The following NIPSNAP3B variants were observed in gnomAD, a reference collection of about 807,000 sequenced individuals.
The protein encoded by NIPSNAP3B is nipsnap homolog 3B.
In NIPSNAP3B, 30 loss-of-function variants were observed where a neutral mutation model predicts 31.5. The ratio of observed to expected loss-of-function variants is 0.95; its 90% CI spans 0.71 to 1.29. The LOEUF is 1.29. NIPSNAP3B is among the 50% of genes most tolerant of loss of function. The pLI is 0.00. For synonymous variants in NIPSNAP3B, 106 were observed against 107.9 expected (o/e 0.98, Z 0.11); for missense variants, 269 against 300.7 (o/e 0.89, Z 0.78).
the NIPSNAP3B span, among the ~76,000 whole-genome samples, chr9:104,787,485 TATCTACAGAA>T: frequency 6.6e-6 from 1 of 152,182 alleles, no homozygotes; most frequent in South Asian, 2.1e-4. Flanking sequence ...TCAATGCTCT[TATCTACAGAA>T]GAAAAAAGGT....
Position 104,764,313 on chromosome 9 carries a change from G to A in NIPSNAP3B, c.60+13G>A. 3 of 1,573,370 alleles carry A rather than the reference G, an allele frequency of 1.9e-6. No individual in the cohort carries two copies. Among genetic ancestry groups the A allele is most frequent in the Non-Finnish European group, 1.7e-6 (2 of 1,161,854 alleles). On this transcript the variant is annotated intron_variant, in intron 1 of 5. Transcript: ENST00000374762. ...GCTCGCGCCTCAGGTACTGGCCGCG[G>A]GGGCGCGCCCGAGCCCTGGCCGGAG... is the stretch of plus-strand genomic sequence containing the variant.
At chr9:104,769,482 G>A (rs1828165104) in intron 3 of NIPSNAP3B, among the ~76,000 whole-genome samples, 2 of 145,392 alleles carry the variant, frequency 1.4e-5, no homozygotes, top group South Asian at 4.3e-4. Flanking sequence ...GAGAATTAGA[G>A]TTCTAGAGCT....
At chr9:104,788,731 T>C in the NIPSNAP3B span, among the ~76,000 whole-genome samples, 2 of 152,228 alleles carry the variant, frequency 1.3e-5, no homozygotes, top group Non-Finnish European at 2.9e-5. Flanking sequence ...ATGCTAGCTC[T>C]TCCTGGCAGG....
chr9:104,786,291 T>TTATTACC, the NIPSNAP3B span: 1 of 1,609,650 alleles, frequency 6.2e-7, no homozygotes. Flanking sequence ...GAAATTATCT[T>TTATTACC]TATTACCTAT....
the NIPSNAP3B span, chr9:104,786,452 A>T: frequency 7.1e-7 from 1 of 1,413,346 alleles, no homozygotes; most frequent in Non-Finnish European, 1.0e-6. Flanking sequence ...TGAGAACATC[A>T]CCATGACTTC....
In NIPSNAP3B at chr9:104,774,256, TAC is replaced by T. The variant is rs1828287289; in HGVS notation, c.*1185_*1186del. 6.6e-6 allele frequency among the ~76,000 whole-genome samples: 1 copy of T among 152,232 alleles called. No homozygotes were observed. The highest frequency in any genetic ancestry group is 1.5e-5 in the Non-Finnish European group (1 of 68,042). On this transcript the variant is annotated 3_prime_UTR_variant, in exon 6 of 6. Coordinates refer to ENST00000374762, the MANE Select transcript of NIPSNAP3B (RefSeq NM_018376.4). Reference sequence around the variant, plus strand: ...CAAGGGCAATTTGGAAAACAAACTGTACAGTTTCCTCTCATTTATCAGGCTCT... The same window carrying T: ...CAAGGGCAATTTGGAAAACAAACTGTAGTTTCCTCTCATTTATCAGGCTCT...
chr9:104,786,849 G>A, the NIPSNAP3B span: 1 of 1,589,484 alleles, frequency 6.3e-7, no homozygotes, highest in Admixed American at 1.7e-5. Context: ...CCCACAGTGA[G>A]GAACCCAAGA....
chr9:104,766,233 T>C (rs1209347261), intron 1 of NIPSNAP3B, 92 bp from the exon 2 acceptor site: 3 of 913,832 alleles, frequency 3.3e-6, no homozygotes, highest in Admixed American at 2.0e-5. Flanking sequence ...AATGAGTCTA[T>C]GTGTGTTCCT....
the NIPSNAP3B span, chr9:104,785,498 T>G: frequency 1.2e-6 from 2 of 1,612,258 alleles, no homozygotes; most frequent in Non-Finnish European, 1.7e-6. Flanking sequence ...ATAATGAAGA[T>G]GGAAGCTGGT....
chr9:104,765,834 T>C (rs1355147570), intron 1 of NIPSNAP3B, among the ~76,000 whole-genome samples: 1 of 152,248 alleles, frequency 6.6e-6, no homozygotes, highest in Non-Finnish European at 1.5e-5. Context: ...TAGCCCTTCC[T>C]GTTTTTTTAG....
chr9:104,788,310 GTGC>G, the NIPSNAP3B span: 6 of 1,268,598 alleles, frequency 4.7e-6, no homozygotes, highest in Non-Finnish European at 6.6e-6. Flanking sequence ...CCAGCATTTT[GTGC>G]TGCTGCATTC....
Position 104,773,182 on chromosome 9 carries a change from T to G in NIPSNAP3B, c.*109T>G. Reference sequence around the variant, plus strand: ...GCTTTTATTTGAAGGAGGTGGTAAGTTAATTAGTTAATTTGCTGTGCTTCT... The same window carrying G: ...GCTTTTATTTGAAGGAGGTGGTAAGGTAATTAGTTAATTTGCTGTGCTTCT... On this transcript the variant is annotated 3_prime_UTR_variant, in exon 6 of 6. Transcript: ENST00000374762. 9.8e-7 allele frequency: 1 copy of G among 1,019,130 alleles called. No individual in the cohort carries two copies. The highest frequency in any genetic ancestry group is 1.5e-5 in the South Asian group (1 of 66,972). 63.1% of individuals were successfully genotyped at this position (1,019,130 alleles called of 1,614,324 possible).
At chr9:104,767,714 T>C (rs369449970) in intron 2 of NIPSNAP3B, among the ~76,000 whole-genome samples, 3 of 152,320 alleles carry the variant, frequency 2.0e-5, no homozygotes, top group East Asian at 1.9e-4. Context: ...AATCCACTTA[T>C]GTGCGTTAGG....
chr9:104,784,556 G>T, the NIPSNAP3B span: 1 of 1,393,906 alleles, frequency 7.2e-7, no homozygotes, highest in Non-Finnish European at 1.0e-6. Context: ...TCAAGTAGGA[G>T]CATACAGAAT....
chr9:104,770,739 A>G, intron 3 of NIPSNAP3B, 110 bp from the exon 4 acceptor site: 1 of 879,522 alleles, frequency 1.1e-6, no homozygotes, highest in Middle Eastern at 3.6e-4. Flanking sequence ...GTATGTATAC[A>G]TGGATTATCC....
intron 4 of NIPSNAP3B, among the ~76,000 whole-genome samples, chr9:104,772,370 A>G (rs1241877651): frequency 2.0e-5 from 3 of 152,120 alleles, no homozygotes; most frequent in Non-Finnish European, 4.4e-5. Context: ...TCTGTTACTA[A>G]GTATAATATA....
rs1300745875 is a variant in NIPSNAP3B at position 104,773,867 on chromosome 9, A to G, written c.*794A>G. On this transcript the variant is annotated 3_prime_UTR_variant, in exon 6 of 6. Coordinates refer to ENST00000374762, the MANE Select transcript of NIPSNAP3B (RefSeq NM_018376.4). ...CATTGTTTTTTTAAATTCACATTTT[A>G]TACTTATATGATCTCTAAAGCTCTT... 2 of 152,204 alleles carry G rather than the reference A, an allele frequency of 1.3e-5. No homozygotes were observed. The highest frequency in any genetic ancestry group is 2.1e-4 in the South Asian group (1 of 4,836). The allele number at this position is 152,204 out of a possible 1,614,324, so 9.4% of individuals were successfully genotyped here.
chr9:104,766,910 G>A (rs974460481), intron 2 of NIPSNAP3B, among the ~76,000 whole-genome samples: 22 of 152,116 alleles, frequency 1.4e-4, no homozygotes, highest in Non-Finnish European at 2.2e-4. Flanking sequence ...CCTGCCAAAA[G>A]ACATGTATAT....
chr9:104,770,947 T>C lies in NIPSNAP3B; in HGVS notation c.529T>C (p.Tyr177His). The change falls in exon 4 of 6, where the codon TAC becomes CAC. Residue 177 changes from tyrosine (Y) to histidine (H), a missense_variant. By Grantham distance (83) the Tyr-to-His change is moderately conservative (BLOSUM62 2). Transcript: ENST00000374762. ...AATTAATGCCCATGTCAATTTAGGCTACACAAAAGTAGTTGGTGTTTTCCA... is the reference window on the plus strand; with the variant it reads ...AATTAATGCCCATGTCAATTTAGGCCACACAAAAGTAGTTGGTGTTTTCCA... ...RAINAHVNLG[Y>H]TKVVGVFHTE... The C allele has an allele frequency of 6.2e-7, 1 of 1,613,946 alleles. No homozygotes were observed. Among genetic ancestry groups the C allele is most frequent in the Non-Finnish European group, 8.5e-7 (1 of 1,179,818 alleles).
Sources: gnomAD v4.1 joint callset for allele counts (sites outside exome capture counted in the v4.1 genomes callset) on GRCh38, gnomAD v4.1.1 for gene constraint, MANE v1.5 for transcripts, NCBI Gene and HGNC (gene_info 2026-07-23, HGNC 2026-07-21) for gene names.